The following ASB5 variants were observed in gnomAD, a reference collection of about 807,000 sequenced individuals.
The protein encoded by ASB5 is ankyrin repeat and SOCS box protein 5.
In ASB5, 45 loss-of-function variants were observed where a neutral mutation model predicts 42.1. The observed-to-expected ratio is 1.07, with a 90% CI of 0.84 to 1.37. The LOEUF (loss-of-function observed/expected upper bound fraction) is 1.37. Among genes scored for constraint, ASB5 ranks in the 40% most tolerant of loss-of-function variants. The probability of loss-of-function intolerance (pLI) is 0.00; values close to 1 mark genes in which losing one functional copy is unlikely to be tolerated. For synonymous variants in ASB5, 147 were observed against 150.6 expected (o/e 0.98, Z 0.18); for missense variants, 402 against 399.8 (o/e 1.01, Z -0.05).
At chr4:176,216,733 C>T in intron 6 of ASB5, 85 bp downstream of exon 6, 1 of 1,151,814 alleles carries the variant, frequency 8.7e-7, no homozygotes, top group East Asian at 2.4e-5. Context: ...TTGTTACTTT[C>T]CATGCCAACA....
At chr4:176,240,085 A>G (rs1753779841) in intron 1 of ASB5, among the ~76,000 whole-genome samples, 1 of 152,212 alleles carries the variant, frequency 6.6e-6, no homozygotes, top group Non-Finnish European at 1.5e-5. Flanking sequence ...CTGTGATTGT[A>G]CCTGTAAGAG....
At chr4:176,232,117 A>G (rs1321328903) in intron 1 of ASB5, among the ~76,000 whole-genome samples, 2 of 138,886 alleles carry the variant, frequency 1.4e-5, no homozygotes, top group African/African-American at 5.3e-5. Context: ...TTTTATATAT[A>G]TATATATATA....
At chr4:176,276,910 C>T (rs769592097) in intron 1 of ASB5, among the ~76,000 whole-genome samples, 2 of 152,154 alleles carry the variant, frequency 1.3e-5, no homozygotes, top group Non-Finnish European at 2.9e-5. Context: ...AGCTGACATG[C>T]TGTATGTCCC....
intron 2 of ASB5, among the ~76,000 whole-genome samples, chr4:176,222,879 G>A (rs1753261753): frequency 6.6e-6 from 1 of 152,030 alleles, no homozygotes; most frequent in African/African-American, 2.4e-5. Context: ...CCGGGTTCAT[G>A]CCATTCTCCT....
At chr4:176,240,102 G>C (rs914384847) in intron 1 of ASB5, among the ~76,000 whole-genome samples, 1 of 152,140 alleles carries the variant, frequency 6.6e-6, no homozygotes, top group Non-Finnish European at 1.5e-5. Context: ...AGAGAGCACT[G>C]TGAAATCTCG....
chr4:176,215,443 C>T lies in ASB5; in HGVS notation c.*157G>A. On this transcript the variant is annotated 3_prime_UTR_variant, in exon 7 of 7. Coordinates refer to ENST00000296525, the MANE Select transcript of ASB5 (RefSeq NM_080874.4). ...CAGCATAAATGATAAAACAATAGTACTAATACACTTAAAATGAAAATTGAT... is the reference window on the plus strand; with the variant it reads ...CAGCATAAATGATAAAACAATAGTATTAATACACTTAAAATGAAAATTGAT... 1.5e-6 allele frequency: 1 copy of T among 672,756 alleles called. No homozygotes were observed. The highest frequency in any genetic ancestry group is 2.9e-5 in the East Asian group (1 of 34,676). 41.7% of individuals were successfully genotyped at this position (672,756 alleles called of 1,614,324 possible). A position where few individuals can be genotyped will look rare whatever the true frequency, so the allele number is the denominator to read the frequency against.
chr4:176,247,484 C>G (rs554189342), intron 1 of ASB5, among the ~76,000 whole-genome samples: 1 of 152,114 alleles, frequency 6.6e-6, no homozygotes, highest in East Asian at 1.9e-4. Context: ...AGGTCCAGAG[C>G]AATGTAATTG....
intron 1 of ASB5, among the ~76,000 whole-genome samples, chr4:176,258,403 T>A (rs2126974595): frequency 6.6e-6 from 1 of 152,308 alleles, no homozygotes; most frequent in African/African-American, 2.4e-5. Flanking sequence ...TTTTTTAAGG[T>A]CTTTTATTCA....
At chr4:176,261,758 C>T (rs1447849449) in intron 1 of ASB5, among the ~76,000 whole-genome samples, 1 of 152,142 alleles carries the variant, frequency 6.6e-6, no homozygotes, top group African/African-American at 2.4e-5. Context: ...CTTTTAGCGC[C>T]ATATGGTTTT....
At chr4:176,249,869 T>C (rs1309868593) in intron 1 of ASB5, among the ~76,000 whole-genome samples, 9 of 151,862 alleles carry the variant, frequency 5.9e-5, no homozygotes, top group Non-Finnish European at 4.4e-5. Flanking sequence ...ATGGAGACCA[T>C]CCTGGCTAAC....
At chr4:176,276,214 G>A (rs923386893) in intron 1 of ASB5, among the ~76,000 whole-genome samples, 3 of 152,168 alleles carry the variant, frequency 2.0e-5, no homozygotes, top group East Asian at 1.9e-4. Context: ...TCACTCGCCT[G>A]CACTGTAAGA....
chr4:176,237,091 A>G (rs758474450), intron 1 of ASB5, among the ~76,000 whole-genome samples: 17 of 152,240 alleles, frequency 1.1e-4, no homozygotes, highest in Non-Finnish European at 2.1e-4. Context: ...CATGTTTAAT[A>G]TACAGTCACA....
chr4:176,231,206 G>A (rs554993606), intron 1 of ASB5, among the ~76,000 whole-genome samples: 5 of 147,462 alleles, frequency 3.4e-5, no homozygotes, highest in African/African-American at 7.6e-5. Flanking sequence ...AGCCACTGTC[G>A]AGGTAAATCC....
rs1031928647 is a variant in ASB5 at position 176,237,449 on chromosome 4, C to A, written c.197-12108G>T. 3.0e-6 allele frequency: 3 copies of A among 985,754 alleles called. No individual in the cohort carries two copies. The African/African-American group carries it at 5.2e-5, about 17-fold the overall frequency. 61.1% of individuals were successfully genotyped at this position (985,754 alleles called of 1,614,324 possible). On this transcript the variant is annotated intron_variant, in intron 1 of 6. Coordinates refer to ENST00000296525, the MANE Select transcript of ASB5 (RefSeq NM_080874.4). The stretch of plus-strand genomic sequence containing the variant: ...GTTGACGTTTTTTGTCTGTGACAAC[C>A]AGGTGTCATAAGTGCAAATGCTCTA...
At chr4:176,230,280 T>C (rs1753500402) in intron 1 of ASB5, among the ~76,000 whole-genome samples, 1 of 152,208 alleles carries the variant, frequency 6.6e-6, no homozygotes, top group South Asian at 2.1e-4. Flanking sequence ...GAAACTAAAG[T>C]AATAAACAAC....
intron 1 of ASB5, among the ~76,000 whole-genome samples, chr4:176,256,750 G>T (rs905375132): frequency 2.0e-5 from 3 of 152,016 alleles, no homozygotes; most frequent in Non-Finnish European, 4.4e-5. Flanking sequence ...ACCAGCCTGG[G>T]CAACATGGTG....
At chr4:176,240,769 G>T (rs1184519085) in intron 1 of ASB5, among the ~76,000 whole-genome samples, 2 of 152,160 alleles carry the variant, frequency 1.3e-5, no homozygotes, top group Non-Finnish European at 2.9e-5. Flanking sequence ...CTGCTTCCAA[G>T]AAGTGGTATT....
chr4:176,220,748 G>A lies in ASB5; in HGVS notation c.670+407C>T, dbSNP rs143402794. On this transcript the variant is annotated intron_variant, in intron 5 of 6. Transcript: ENST00000296525. ...GTTTTTAAGGTTAGCAGAAGACGAGGTTGTCCAAGCAGTTACTATCCTGAA... is the reference window on the plus strand; with the variant it reads ...GTTTTTAAGGTTAGCAGAAGACGAGATTGTCCAAGCAGTTACTATCCTGAA... Among the ~76,000 whole-genome samples the A allele has an allele frequency of 1.4e-3, 218 of 152,300 alleles. 1 individual carries two copies. Among genetic ancestry groups the A allele is most frequent in the African/African-American group, 4.8e-3 (198 of 41,566 alleles).
intron 1 of ASB5, among the ~76,000 whole-genome samples, chr4:176,260,232 C>T (rs1015196288): frequency 1.3e-5 from 2 of 152,140 alleles, no homozygotes; most frequent in African/African-American, 4.8e-5. Context: ...CCCATGGGGA[C>T]CTTGCCCCCT....
Sources: allele counts gnomAD v4.1 joint callset (sites outside exome capture counted in the v4.1 genomes callset), GRCh38; gene constraint gnomAD v4.1.1; transcripts MANE v1.5; gene names NCBI Gene and HGNC (gene_info 2026-07-23, HGNC 2026-07-21).